Variants in CLNK observed in about 807,000 individuals in gnomAD.
CLNK encodes cytokine-dependent hematopoietic cell linker.
CLNK carries 74 observed loss-of-function variants against 68.6 expected under a neutral mutation model. That is an observed-to-expected ratio of 1.08 (90% CI 0.89 to 1.31). The LOEUF (loss-of-function observed/expected upper bound fraction) is 1.31, where lower values mean the gene tolerates loss of function less well. CLNK is among the 50% of genes most tolerant of loss of function. The pLI is 0.00. For missense variants in CLNK, 553 were observed against 515.3 expected, an observed-to-expected ratio of 1.07 and a Z score of -0.71; for synonymous variants, 198 against 172.2, an observed-to-expected ratio of 1.15 and a Z score of -1.17.
intron 2 of CLNK, among the ~76,000 whole-genome samples, chr4:10,664,517 G>A (rs965859301): frequency 1.3e-5 from 2 of 152,122 alleles, no homozygotes; most frequent in African/African-American, 4.8e-5. Flanking sequence ...TCATGCCTTG[G>A]CGACTGCTGT....
intron 12 of CLNK, among the ~76,000 whole-genome samples, chr4:10,530,691 G>T (rs1448972752): frequency 1.3e-5 from 2 of 152,148 alleles, no homozygotes; most frequent in East Asian, 1.9e-4. Context: ...CTGACCAAAG[G>T]GTTATGATTT....
At chr4:10,650,528 A>G (rs1723685200) in intron 2 of CLNK, among the ~76,000 whole-genome samples, 1 of 152,136 alleles carries the variant, frequency 6.6e-6, no homozygotes, top group South Asian at 2.1e-4. Flanking sequence ...ATTGCCTTCA[A>G]AAGCTTTTAT....
chr4:10,697,901 A>G, the CLNK span, among the ~76,000 whole-genome samples: 3 of 152,210 alleles, frequency 2.0e-5, no homozygotes. Context: ...ATATAATATG[A>G]ATCCAAGAAA....
At chr4:10,500,115 A>G (rs1716978754) in intron 18 of CLNK, among the ~76,000 whole-genome samples, 1 of 152,214 alleles carries the variant, frequency 6.6e-6, no homozygotes, top group Non-Finnish European at 1.5e-5. Context: ...TAGGCTTTAA[A>G]AGAACATTTA....
chr4:10,537,706 C>CCTTCCTTCCTTCCTTCCTTTCTTT (rs1553848181), intron 11 of CLNK, among the ~76,000 whole-genome samples: 1 of 13,402 alleles, frequency 7.5e-5, no homozygotes. Context: ...TTCCTTCCTT[C>CCTTCCTTCCTTCCTTCCTTTCTTT]CTTTCTTTCT....
chr4:10,550,871 C>T (rs767245881), intron 8 of CLNK, among the ~76,000 whole-genome samples: 5 of 152,196 alleles, frequency 3.3e-5, no homozygotes, highest in Non-Finnish European at 7.3e-5. Flanking sequence ...CATCACTGCT[C>T]TTGCGCTTTT....
At position 10,627,547 on chromosome 4, in the gene CLNK, C is replaced by T. The variant is rs114221916; in HGVS notation, c.12-29498G>A. On this transcript the variant is annotated intron_variant, in intron 2 of 18. Transcript: ENST00000226951. ...ACAACATTGCCACTTGGAACCATGA[C>T]TGGAGCGTAGTGGATACTGTCAAGG... is the stretch of plus-strand genomic sequence containing the variant. Among the ~76,000 whole-genome samples the T allele has an allele frequency of 1.7e-3, 262 of 152,244 alleles. 1 individual carries two copies. The highest frequency in any genetic ancestry group is 6.0e-3 in the African/African-American group (248 of 41,560).
chr4:10,715,834 C>G, the CLNK span, among the ~76,000 whole-genome samples: 3 of 152,122 alleles, frequency 2.0e-5, no homozygotes, highest in African/African-American at 4.8e-5. Context: ...TTCCAATTCC[C>G]CAGAACATTA....
At chr4:10,579,668 C>T (rs1011269938) in intron 4 of CLNK, among the ~76,000 whole-genome samples, 5 of 152,164 alleles carry the variant, frequency 3.3e-5, no homozygotes, top group African/African-American at 1.2e-4. Context: ...CTCTTAGAGC[C>T]AGCTAGCAAA....
At chr4:10,656,479 AG>A (rs368819546) in intron 2 of CLNK, 9 of 152,154 alleles carry the variant, frequency 5.9e-5, no homozygotes, top group African/African-American at 1.9e-4. Flanking sequence ...GCTATACTAT[AG>A]TCAAAAAATA....
intron 4 of CLNK, among the ~76,000 whole-genome samples, chr4:10,579,131 A>G (rs987999139): frequency 6.6e-6 from 1 of 152,126 alleles, no homozygotes; most frequent in East Asian, 1.9e-4. Flanking sequence ...TAGGAACCAT[A>G]CAGTATTTGG....
intron 4 of CLNK, among the ~76,000 whole-genome samples, chr4:10,581,638 A>G (rs1720786905): frequency 7.4e-6 from 1 of 135,496 alleles, no homozygotes; most frequent in South Asian, 2.6e-4. Context: ...AGACTACCCG[A>G]GTCCCCAGGA....
chr4:10,646,505 T>C (rs1723516226), intron 2 of CLNK, among the ~76,000 whole-genome samples: 2 of 152,220 alleles, frequency 1.3e-5, no homozygotes, highest in Non-Finnish European at 2.9e-5. Flanking sequence ...TTGGAGCAGA[T>C]GCGTCCAAGA....
At chr4:10,657,254 A>C (rs572690391) in intron 2 of CLNK, among the ~76,000 whole-genome samples, 3 of 152,340 alleles carry the variant, frequency 2.0e-5, no homozygotes, top group South Asian at 2.1e-4. Context: ...ATTTATAATG[A>C]TATAAACTAA....
chr4:10,675,295 C>T (rs1724826185), intron 1 of CLNK, among the ~76,000 whole-genome samples: 1 of 152,144 alleles, frequency 6.6e-6, no homozygotes, highest in South Asian at 2.1e-4. Context: ...AACCAGGATG[C>T]CTGCTTCTGA....
chr4:10,675,215 G>T (rs1724820448), intron 1 of CLNK, among the ~76,000 whole-genome samples: 1 of 152,156 alleles, frequency 6.6e-6, no homozygotes, highest in South Asian at 2.1e-4. Context: ...CTAAAATAAA[G>T]AAAACAGGGT....
chr4:10,556,628 C>G (rs1023868186), intron 8 of CLNK, among the ~76,000 whole-genome samples: 3 of 152,190 alleles, frequency 2.0e-5, no homozygotes, highest in African/African-American at 7.2e-5. Flanking sequence ...TGAGTGCCTA[C>G]AAAGCATATT....
intron 2 of CLNK, among the ~76,000 whole-genome samples, chr4:10,606,894 G>A (rs576689052): frequency 6.6e-6 from 1 of 152,082 alleles, no homozygotes; most frequent in South Asian, 2.1e-4. Flanking sequence ...AGATACAGGA[G>A]AAAAAAAATG....
intron 2 of CLNK, among the ~76,000 whole-genome samples, chr4:10,634,019 C>G (rs1722988649): frequency 6.6e-6 from 1 of 152,198 alleles, no homozygotes; most frequent in South Asian, 2.1e-4. Flanking sequence ...GTTAAGCCCC[C>G]TGTATAAGAT....
Sources: gnomAD v4.1 joint callset for allele counts (sites outside exome capture counted in the v4.1 genomes callset) on GRCh38, gnomAD v4.1.1 for gene constraint, MANE v1.5 for transcripts, NCBI Gene and HGNC (gene_info 2026-07-23, HGNC 2026-07-21) for gene names.